The following AIMP2 variants were observed in gnomAD, a reference collection of about 807,000 sequenced individuals.
AIMP2 encodes the protein aminoacyl tRNA synthase complex-interacting multifunctional protein 2.
Under a neutral mutation model 23.4 loss-of-function variants are expected in AIMP2, and 20 were observed. The ratio of observed to expected loss-of-function variants is 0.85; its 90% confidence interval spans 0.60 to 1.24. The LOEUF (loss-of-function observed/expected upper bound fraction) is 1.24. Ranked by LOEUF, AIMP2 falls within the 50% of genes most tolerant of loss-of-function variation. AIMP2 has a pLI of 0.00. For missense variants in AIMP2, 515 were observed against 414.5 expected, an observed-to-expected ratio of 1.24 and a Z score of -2.10; for synonymous variants, 210 against 170.4, an observed-to-expected ratio of 1.23 and a Z score of -1.81.
intron 1 of AIMP2, 151 bp from the exon 2 acceptor site, chr7:6,014,995 C>A: frequency 6.8e-7 from 1 of 1,479,992 alleles, no homozygotes; most frequent in Non-Finnish European, 9.0e-7. Flanking sequence ...GCTGGGATTA[C>A]AGGCGTGAGC....
chr7:6,013,005 A>C, intron 1 of AIMP2: 1 of 947,408 alleles, frequency 1.1e-6, no homozygotes, highest in Non-Finnish European at 1.2e-6. Flanking sequence ...GAGTTAAGCA[A>C]ACAAGAGAAG....
intron 1 of AIMP2, 86 bp from the exon 2 acceptor site, chr7:6,015,060 C>A (rs1337900139): frequency 7.6e-6 from 12 of 1,587,420 alleles, no homozygotes; most frequent in Non-Finnish European, 1.0e-5. Flanking sequence ...TTGGTGAGTG[C>A]ATGGCAAAGT....
At chr7:6,018,991 A>ACACAC (rs1554314873) in intron 3 of AIMP2, among the ~76,000 whole-genome samples, 1 of 145,934 alleles carries the variant, frequency 6.9e-6, no homozygotes, top group African/African-American at 2.5e-5. Flanking sequence ...ACACACACAC[A>ACACAC]ATACATGGCA....
intron 3 of AIMP2, among the ~76,000 whole-genome samples, chr7:6,018,448 C>T (rs1020277769): frequency 6.6e-6 from 1 of 151,386 alleles, no homozygotes; most frequent in African/African-American, 2.4e-5. Context: ...AGGCCCGGGC[C>T]TCATGTGGAT....
At chr7:6,010,249 C>T (rs746275786) in intron 1 of AIMP2, among the ~76,000 whole-genome samples, 13 of 151,440 alleles carry the variant, frequency 8.6e-5, no homozygotes, top group Admixed American at 3.3e-4. Context: ...CACATAAATG[C>T]TCATTTTGAG....
intron 3 of AIMP2, among the ~76,000 whole-genome samples, chr7:6,020,200 C>T (rs797020996): frequency 3.3e-5 from 5 of 151,986 alleles, no homozygotes; most frequent in African/African-American, 1.2e-4. Context: ...GTGGGTGGAT[C>T]ACCTGAGATC....
At position 6,009,477 on chromosome 7, in the gene AIMP2, G is replaced by T. The variant is rs753777297; in HGVS notation, c.114G>T (p.Ala38=). ...TGCACGGCAGGAGCTACGGCCCAGC[G>T]CCGGGCGCTGGCCACGTGCAGGTAG... ...PNVHGRSYGP[A]PGAGHVQEES... is the part of the protein sequence containing the mutation. The change falls in exon 1 of 4, where the codon GCG becomes GCT. Residue 38 remains alanine (A), a synonymous_variant. Coordinates refer to ENST00000223029, the MANE Select transcript of AIMP2 (RefSeq NM_006303.4). 12 of 1,582,284 alleles carry T rather than the reference G, an allele frequency of 7.6e-6. No homozygotes were observed. The highest frequency in any genetic ancestry group is 1.4e-5 in the African/African-American group (1 of 72,776).
chr7:6,016,925 G>T, intron 2 of AIMP2: 1 of 162,536 alleles, frequency 6.2e-6, no homozygotes. Context: ...CTCTCATAGT[G>T]CCCCATGCCA....
intron 3 of AIMP2, 97 bp downstream of exon 3, chr7:6,018,142 T>TTTTA: frequency 2.2e-6 from 2 of 908,520 alleles, no homozygotes; most frequent in Non-Finnish European, 3.1e-6. Context: ...ATTTTTTTCT[T>TTTTA]TTTCTTTTTT....
Position 6,023,697 on chromosome 7 carries a change from C to T in AIMP2, c.*6C>T, listed in dbSNP as rs950807957. 26 of 1,613,810 alleles carry T rather than the reference C, an allele frequency of 1.6e-5. No individual in the cohort carries two copies. Among genetic ancestry groups the T allele is most frequent in the Admixed American group, 1.2e-4 (7 of 59,970 alleles). ...CCCTCAAGCTCCTTAAGTGAATTGC[C>T]GTAACTGATTTTAAAGGGTTTAGAT... On this transcript the variant is annotated 3_prime_UTR_variant, in exon 4 of 4. Transcript: ENST00000223029.
In AIMP2 at chr7:6,014,967, A is replaced by G. The variant is rs931743432; in HGVS notation, c.136-179A>G. 3.5e-5 allele frequency: 48 copies of G among 1,376,970 alleles called. No homozygotes were observed. In the South Asian group the frequency reaches 6.2e-4, roughly 18 times the overall value. The allele number at this position is 1,376,970 out of a possible 1,614,324, so 85.3% of individuals were successfully genotyped here. ...ACTCCTGACGTCAGATGATCTGCCTACCTGGACCTCCCGAAGTGCTGGGAT... is the reference window on the plus strand; with the variant it reads ...ACTCCTGACGTCAGATGATCTGCCTGCCTGGACCTCCCGAAGTGCTGGGAT... On this transcript the variant is annotated intron_variant, in intron 1 of 3. Coordinates refer to ENST00000223029, the MANE Select transcript of AIMP2 (RefSeq NM_006303.4).
chr7:6,013,066 CAG>C, intron 1 of AIMP2: 1 of 785,332 alleles, frequency 1.3e-6, no homozygotes, highest in Non-Finnish European at 1.5e-6. Context: ...GATCTGTGGT[CAG>C]AGCCAGGGTG....
At chr7:6,016,522 G>A (rs1057319183) in intron 2 of AIMP2, among the ~76,000 whole-genome samples, 1 of 152,158 alleles carries the variant, frequency 6.6e-6, no homozygotes, top group Non-Finnish European at 1.5e-5. Context: ...GGACTCAGAT[G>A]AGGTGCAACC....
chr7:6,016,338 A>G (rs75921399), intron 2 of AIMP2, among the ~76,000 whole-genome samples: 3,887 of 152,318 alleles, frequency 0.026, 145 homozygotes, highest in African/African-American at 0.087. Flanking sequence ...AAGAATCCCT[A>G]TCAATAGCCT....
chr7:6,013,672 C>G (rs1332869700), intron 1 of AIMP2, among the ~76,000 whole-genome samples: 1 of 152,074 alleles, frequency 6.6e-6, no homozygotes, highest in African/African-American at 2.4e-5. Context: ...GGCCTGGCCA[C>G]GTGTGGTGGC....
At chr7:6,020,018 C>T (rs1787281316) in intron 3 of AIMP2, among the ~76,000 whole-genome samples, 1 of 110,060 alleles carries the variant, frequency 9.1e-6, no homozygotes, top group Admixed American at 8.8e-5. Context: ...GAGACTCCAT[C>T]TCAAAAAAAA....
Position 6,011,437 on chromosome 7 carries a change from A to C in AIMP2, c.135+1939A>C, listed in dbSNP as rs542664863. Among the ~76,000 whole-genome samples the C allele has an allele frequency of 2.4e-4, 36 of 152,206 alleles. No homozygotes were observed. The South Asian group carries it at 7.3e-3, about 31-fold the overall frequency. On this transcript the variant is annotated intron_variant, in intron 1 of 3. Coordinates refer to ENST00000223029, the MANE Select transcript of AIMP2 (RefSeq NM_006303.4). The stretch of plus-strand genomic sequence containing the variant: ...CTGGCCGCTGTGATTGTGCTTTTGT[A>C]ATGTACCTGCTCAAGTCTTTCACTC...
At chr7:6,010,593 C>T (rs1274893755) in intron 1 of AIMP2, among the ~76,000 whole-genome samples, 13 of 151,900 alleles carry the variant, frequency 8.6e-5, no homozygotes, top group African/African-American at 2.4e-4. Flanking sequence ...AGATTACAGG[C>T]GCTGTCCACT....
In AIMP2 at chr7:6,009,297, G is replaced by C. The variant is rs1786330097; in HGVS notation, c.-67G>C. 2 of 1,610,062 alleles carry C rather than the reference G, an allele frequency of 1.2e-6. No individual in the cohort carries two copies. Among genetic ancestry groups the C allele is most frequent in the Non-Finnish European group, 1.7e-6 (2 of 1,179,150 alleles). On this transcript the variant is annotated 5_prime_UTR_variant, in exon 1 of 4. Coordinates refer to ENST00000223029, the MANE Select transcript of AIMP2 (RefSeq NM_006303.4). ...AGAAGGGAGGTGGCCGGTCTCCGTC[G>C]TGACCTCTGACGGTTTCTGAGCGTT...
Sources: gnomAD v4.1 joint callset for allele counts (sites outside exome capture counted in the v4.1 genomes callset) on GRCh38, gnomAD v4.1.1 for gene constraint, MANE v1.5 for transcripts, NCBI Gene and HGNC (gene_info 2026-07-23, HGNC 2026-07-21) for gene names.